The following GRM5 variants were observed in gnomAD, a reference collection of about 807,000 sequenced individuals.
The protein encoded by GRM5 is glutamate metabotropic receptor 5.
GRM5 carries 19 observed loss-of-function variants against 83.1 expected under a neutral mutation model. The observed-to-expected ratio is 0.23, with a 90% CI of 0.16 to 0.34. The LOEUF (loss-of-function observed/expected upper bound fraction) is 0.34, where lower values mean the gene tolerates loss of function less well. Ranked by LOEUF, GRM5 falls within the 10% of genes least tolerant of loss-of-function variation. The pLI is 1.00. For missense variants in GRM5, 1,160 were observed against 1,588.3 expected (o/e 0.73, Z 4.58); for synonymous variants, 675 against 633.6 (o/e 1.07, Z -0.98).
At chr11:88,777,685 T>TCAGGTCCCTCAGCTG (rs1389770496) in intron 3 of GRM5, among the ~76,000 whole-genome samples, 2 of 152,236 alleles carry the variant, frequency 1.3e-5, no homozygotes, top group African/African-American at 2.4e-5. Flanking sequence ...CTTCTAACAG[T>TCAGGTCCCTCAGCTG]CAGGTCCCTC....
At chr11:88,548,730 G>C (rs1325633358) in intron 8 of GRM5, among the ~76,000 whole-genome samples, 2 of 152,260 alleles carry the variant, frequency 1.3e-5, no homozygotes, top group East Asian at 1.9e-4. Context: ...TATTTAAAAA[G>C]TATATTACTA....
At chr11:88,935,397 C>T (rs1937858725) in intron 2 of GRM5, among the ~76,000 whole-genome samples, 1 of 151,690 alleles carries the variant, frequency 6.6e-6, no homozygotes, top group South Asian at 2.1e-4. Context: ...ATCACTCTTC[C>T]AATTACTGAC....
In GRM5 at chr11:88,509,081, G is replaced by C; in HGVS notation, c.3150C>G (p.Ser1050Arg). Residue 1050 changes from serine (S) to arginine (R), a missense_variant, in exon 10 of 10, where the codon AGC becomes AGG. Coordinates refer to ENST00000305447, the MANE Select transcript of GRM5 (RefSeq NM_001143831.3). The part of the protein sequence containing the change: ...PSLHSEPVAR[S>R]SSSQGSLMEQ... ...CCATGAGGGAGCCCTGCGAGGAGCT[G>C]CTGCGCGCCACAGGCTCCGAGTGCA... 1 of 1,551,166 alleles carries C rather than the reference G, an allele frequency of 6.4e-7. No homozygotes were observed. The highest frequency in any genetic ancestry group is 8.7e-7 in the Non-Finnish European group (1 of 1,147,692).
chr11:88,618,921 T>C (rs951859630), intron 4 of GRM5, among the ~76,000 whole-genome samples: 4 of 152,138 alleles, frequency 2.6e-5, no homozygotes, highest in African/African-American at 9.7e-5. Context: ...TGCCAGGTGC[T>C]CTCTGGCTGG....
chr11:88,731,304 T>C (rs2135406741), intron 3 of GRM5, among the ~76,000 whole-genome samples: 1 of 152,176 alleles, frequency 6.6e-6, no homozygotes, highest in Middle Eastern at 3.4e-3. Context: ...CATCATGCTG[T>C]TTTGTAGCTC....
intron 3 of GRM5, among the ~76,000 whole-genome samples, chr11:88,813,097 G>A (rs1943613773): frequency 6.6e-6 from 1 of 151,988 alleles, no homozygotes; most frequent in South Asian, 2.1e-4. Flanking sequence ...TTCTCTTTGT[G>A]CATTTCAGTA....
At chr11:88,579,158 T>G (rs938356105) in intron 7 of GRM5, among the ~76,000 whole-genome samples, 3 of 152,162 alleles carry the variant, frequency 2.0e-5, no homozygotes, top group Non-Finnish European at 2.9e-5. Flanking sequence ...GATTCCAACC[T>G]TTTTGAGCTG....
chr11:88,918,427 A>G (rs1945632500), intron 2 of GRM5, among the ~76,000 whole-genome samples: 1 of 151,970 alleles, frequency 6.6e-6, no homozygotes, highest in Non-Finnish European at 1.5e-5. Context: ...AACTTAAAGT[A>G]TAATAATAAT....
intron 8 of GRM5, among the ~76,000 whole-genome samples, chr11:88,526,582 G>A (rs571241041): frequency 3.3e-5 from 5 of 152,106 alleles, no homozygotes; most frequent in Admixed American, 3.3e-4. Context: ...ATGATAAAGG[G>A]AGTTACTATA....
At chr11:88,939,592 A>T (rs1938017035) in intron 2 of GRM5, among the ~76,000 whole-genome samples, 1 of 151,874 alleles carries the variant, frequency 6.6e-6, no homozygotes, top group South Asian at 2.1e-4. Flanking sequence ...GCATTATCCT[A>T]AACCAAGTAG....
At chr11:88,925,025 C>T (rs1945762017) in intron 2 of GRM5, among the ~76,000 whole-genome samples, 1 of 151,664 alleles carries the variant, frequency 6.6e-6, no homozygotes, top group Non-Finnish European at 1.5e-5. Context: ...TAGGAAAAAA[C>T]CTGAAGAGTT....
chr11:88,877,846 A>C (rs1388664775), intron 2 of GRM5, among the ~76,000 whole-genome samples: 1 of 141,828 alleles, frequency 7.1e-6, no homozygotes, highest in African/African-American at 2.5e-5. Context: ...AAAAAAGCAG[A>C]AAGAAAGAAA....
At chr11:88,925,187 T>C (rs1020232365) in intron 2 of GRM5, among the ~76,000 whole-genome samples, 1 of 152,036 alleles carries the variant, frequency 6.6e-6, no homozygotes, top group Non-Finnish European at 1.5e-5. Flanking sequence ...ATGATTTAAA[T>C]AAAAATAATA....
chr11:89,005,452 C>T (rs963750547), intron 2 of GRM5, among the ~76,000 whole-genome samples: 59 of 152,142 alleles, frequency 3.9e-4, no homozygotes, highest in African/African-American at 9.9e-4. Flanking sequence ...TGTAATTTTC[C>T]GTCTAACAAT....
At chr11:88,522,452 A>T (rs1288723553) in intron 9 of GRM5, among the ~76,000 whole-genome samples, 1 of 152,112 alleles carries the variant, frequency 6.6e-6, no homozygotes, top group Non-Finnish European at 1.5e-5. Context: ...ATTTATGTGA[A>T]CAAATGTGAA....
chr11:88,535,152 T>C (rs747249370), intron 8 of GRM5, among the ~76,000 whole-genome samples: 1 of 152,210 alleles, frequency 6.6e-6, no homozygotes, highest in African/African-American at 2.4e-5. Flanking sequence ...TTTTTTAAGA[T>C]ATTTGCCTTT....
intron 3 of GRM5, among the ~76,000 whole-genome samples, chr11:88,686,268 T>G (rs1940619543): frequency 6.6e-6 from 1 of 152,206 alleles, no homozygotes; most frequent in South Asian, 2.1e-4. Context: ...TGGAGTTGCA[T>G]CGGCCCTGTA....
chr11:88,925,425 A>G (rs1054212693), intron 2 of GRM5, among the ~76,000 whole-genome samples: 5 of 152,052 alleles, frequency 3.3e-5, no homozygotes, highest in Non-Finnish European at 5.9e-5. Context: ...TAGCAACTTA[A>G]TTGCTGACCC....
At chr11:88,758,651 C>A (rs937715725) in intron 3 of GRM5, among the ~76,000 whole-genome samples, 6 of 152,172 alleles carry the variant, frequency 3.9e-5, no homozygotes, top group Non-Finnish European at 7.4e-5. Flanking sequence ...AGAATGGAAT[C>A]AACTTGGAAA....
Sources: allele counts gnomAD v4.1 joint callset (sites outside exome capture counted in the v4.1 genomes callset), GRCh38; gene constraint gnomAD v4.1.1; transcripts MANE v1.5; gene names NCBI Gene and HGNC (gene_info 2026-07-23, HGNC 2026-07-21).